Variants in GDAP2 observed in about 807,000 individuals in gnomAD.
GDAP2 encodes the protein ganglioside-induced differentiation-associated protein 2.
In GDAP2, 51 loss-of-function variants were observed where a neutral mutation model predicts 67.0. That is an observed-to-expected ratio of 0.76 (90% CI 0.61 to 0.96). GDAP2 has a LOEUF of 0.96. Among genes scored for constraint, GDAP2 ranks in the 40% least tolerant of loss-of-function variants. GDAP2 has a pLI of 0.00. For missense variants in GDAP2, 547 were observed against 588.3 expected (o/e 0.93, Z 0.73); for synonymous variants, 203 against 207.3 (o/e 0.98, Z 0.18).
In GDAP2 at chr1:117,912,585, T is replaced by C; in HGVS notation, c.415A>G (p.Thr139Ala). The change falls in exon 4 of 14, where the codon ACA becomes GCA. Residue 139 changes from threonine to alanine, a missense_variant. Thr to Ala is a moderately conservative substitution (Grantham distance 58). Transcript: ENST00000369443. Reference protein sequence around the residue: ...VGPKYKSRYRTAAESSLYSCY... With the variant: ...VGPKYKSRYRAAAESSLYSCY... Reference sequence around the variant, plus strand: ...CTATAAAGGGAACTCTCAGCTGCTGTGCGATAGCGGCTTTTATATTTAGGT... The same window carrying C: ...CTATAAAGGGAACTCTCAGCTGCTGCGCGATAGCGGCTTTTATATTTAGGT... The C allele has an allele frequency of 6.2e-7, 1 of 1,613,664 alleles. No individual in the cohort carries two copies. The highest frequency in any genetic ancestry group is 8.5e-7 in the Non-Finnish European group (1 of 1,179,598).
intron 13 of GDAP2, chr1:117,877,743 T>G: frequency 8.5e-7 from 1 of 1,171,812 alleles, no homozygotes; most frequent in Non-Finnish European, 1.1e-6. Flanking sequence ...GTAGAAAACT[T>G]ACAATACAAA....
At chr1:117,883,371 TAA>T in intron 11 of GDAP2, 115 bp downstream of exon 11, 1 of 726,240 alleles carries the variant, frequency 1.4e-6, no homozygotes, top group South Asian at 1.9e-5. Flanking sequence ...CTAGGTATGA[TAA>T]AAGTCTTTGT....
At position 117,864,905 on chromosome 1, in the gene GDAP2, A is replaced by C. The variant is rs1348170174; in HGVS notation, c.*5664T>G. 6.6e-6 allele frequency: 1 copy of C among 152,216 alleles called. No homozygotes were observed. Among genetic ancestry groups the C allele is most frequent in the African/African-American group, 2.4e-5 (1 of 41,452 alleles). The allele number at this position is 152,216 out of a possible 1,614,324, so 9.4% of individuals were successfully genotyped here. ...ATGAACGTTAGAGTGCCTGGACCAC[A>C]GGAAGAATTACAATGACAGTTCTGT... On this transcript the variant is annotated 3_prime_UTR_variant, in exon 14 of 14. Transcript: ENST00000369443.
intron 9 of GDAP2, 102 bp downstream of exon 9, chr1:117,887,596 T>C (rs1016032449): frequency 3.1e-5 from 24 of 763,582 alleles, no homozygotes; most frequent in Admixed American, 2.4e-4. Flanking sequence ...ATTTTGTTCA[T>C]AGATACAATA....
At chr1:117,921,296 G>A (rs540193336) in intron 1 of GDAP2, among the ~76,000 whole-genome samples, 1 of 152,290 alleles carries the variant, frequency 6.6e-6, no homozygotes, top group South Asian at 2.1e-4. Flanking sequence ...TAGGCACTGG[G>A]CACACACTGG....
At chr1:117,921,202 T>G (rs1650242474) in intron 1 of GDAP2, among the ~76,000 whole-genome samples, 1 of 152,058 alleles carries the variant, frequency 6.6e-6, no homozygotes, top group African/African-American at 2.4e-5. Flanking sequence ...ATTGTGTCAC[T>G]GCACTCCAGC....
chr1:117,924,512 A>T (rs1650375002), intron 1 of GDAP2, among the ~76,000 whole-genome samples: 1 of 152,194 alleles, frequency 6.6e-6, no homozygotes, highest in African/African-American at 2.4e-5. Flanking sequence ...GTTTGTTGTC[A>T]AACAAAACAA....
At chr1:117,876,465 C>T (rs1648458969) in intron 13 of GDAP2, among the ~76,000 whole-genome samples, 1 of 152,166 alleles carries the variant, frequency 6.6e-6, no homozygotes, top group Non-Finnish European at 1.5e-5. Flanking sequence ...TATTCCCTTA[C>T]AGCAACAAAG....
At chr1:117,922,520 C>T (rs1650290735) in intron 1 of GDAP2, among the ~76,000 whole-genome samples, 1 of 152,124 alleles carries the variant, frequency 6.6e-6, no homozygotes, top group Admixed American at 6.6e-5. Flanking sequence ...TTCTATTTCC[C>T]TAAGTGTTGG....
intron 13 of GDAP2, among the ~76,000 whole-genome samples, chr1:117,876,784 G>A (rs1331735261): frequency 6.6e-6 from 1 of 152,070 alleles, no homozygotes. Flanking sequence ...AAATGCTTTG[G>A]CTTAAAATAC....
At chr1:117,894,120 A>T (rs1444172351) in intron 8 of GDAP2, among the ~76,000 whole-genome samples, 1 of 151,986 alleles carries the variant, frequency 6.6e-6, no homozygotes, top group East Asian at 1.9e-4. Flanking sequence ...GTGAATGAAA[A>T]AGAAAAATAA....
chr1:117,906,566 G>C lies in GDAP2; in HGVS notation c.576C>G (p.Phe192Leu). 4 of 1,555,774 alleles carry C rather than the reference G, an allele frequency of 2.6e-6. No individual in the cohort carries two copies. Among genetic ancestry groups the C allele is most frequent in the Non-Finnish European group, 3.5e-6 (4 of 1,130,690 alleles). Residue 192 changes from phenylalanine to leucine, a missense_variant, in exon 6 of 14, where the codon TTC becomes TTG. Transcript: ENST00000369443. ...THIALRTVRR[F>L]LEIHGETIEK... ...CAATGGTTTCCCCATGAATCTCTAG[G>C]AATCTTCTTACAGTGCCTAAGGAAA... is the stretch of plus-strand genomic sequence containing the variant.
At chr1:117,891,762 T>G (rs908195869) in intron 8 of GDAP2, among the ~76,000 whole-genome samples, 5 of 147,954 alleles carry the variant, frequency 3.4e-5, no homozygotes, top group African/African-American at 1.2e-4. Flanking sequence ...TTTTCTTTGG[T>G]GGTAAATGCT....
intron 5 of GDAP2, among the ~76,000 whole-genome samples, chr1:117,909,498 C>G (rs1003823246): frequency 6.6e-6 from 1 of 152,026 alleles, no homozygotes; most frequent in African/African-American, 2.4e-5. Context: ...CTAAGGACTT[C>G]GAGTTATATC....
At chr1:117,887,666 G>T (rs753449629) in intron 9 of GDAP2, 32 bp downstream of exon 9, 13 of 1,059,308 alleles carry the variant, frequency 1.2e-5, no homozygotes, top group Non-Finnish European at 1.6e-5. Flanking sequence ...CTTAATTAGT[G>T]AAAGAATAAG....
intron 1 of GDAP2, among the ~76,000 whole-genome samples, chr1:117,927,686 T>A (rs899547277): frequency 3.3e-5 from 5 of 152,206 alleles, no homozygotes; most frequent in Admixed American, 6.5e-5. Flanking sequence ...AGACATTTTT[T>A]AAAAAAGATT....
At chr1:117,872,210 G>A (rs766089216) in intron 13 of GDAP2, among the ~76,000 whole-genome samples, 3 of 152,126 alleles carry the variant, frequency 2.0e-5, no homozygotes, top group Non-Finnish European at 2.9e-5. Context: ...GTGACGGTAC[G>A]GAGAAATAGG....
At chr1:117,927,160 T>C (rs1650478587) in intron 1 of GDAP2, among the ~76,000 whole-genome samples, 1 of 152,054 alleles carries the variant, frequency 6.6e-6, no homozygotes, top group Admixed American at 6.6e-5. Context: ...GATAACCCAC[T>C]ATGTATCTTT....
intron 8 of GDAP2, among the ~76,000 whole-genome samples, chr1:117,888,799 T>C (rs1648959538): frequency 1.3e-5 from 2 of 152,252 alleles, no homozygotes; most frequent in Admixed American, 6.5e-5. Context: ...TTTACCTTTA[T>C]GGAATTCAGT....
Sources: allele counts gnomAD v4.1 joint callset (sites outside exome capture counted in the v4.1 genomes callset), GRCh38; gene constraint gnomAD v4.1.1; transcripts MANE v1.5; gene names NCBI Gene and HGNC (gene_info 2026-07-23, HGNC 2026-07-21).